Variants in EPS8L1 observed in about 807,000 individuals in gnomAD.
The protein encoded by EPS8L1 is EPS8 signaling adaptor L1, also known as epidermal growth factor receptor kinase substrate 8-like protein 1.
A neutral mutation model predicts 91.7 loss-of-function variants in EPS8L1; 101 were observed. That is an observed-to-expected ratio of 1.10 (90% CI 0.94 to 1.30). The LOEUF (loss-of-function observed/expected upper bound fraction) is 1.30. Among genes scored for constraint, EPS8L1 ranks in the 50% most tolerant of loss-of-function variants. The pLI, the probability that EPS8L1 is intolerant of heterozygous loss-of-function variation, is 0.00. For synonymous variants in EPS8L1, 506 were observed against 445.3 expected, an observed-to-expected ratio of 1.14 and a Z score of -1.72; for missense variants, 1,114 against 1,017.0, an observed-to-expected ratio of 1.10 and a Z score of -1.30.
chr19:55,087,233 G>T (rs1200232910), intron 18 of EPS8L1, 70 bp from the exon 19 acceptor site: 1 of 1,526,812 alleles, frequency 6.5e-7, no homozygotes, highest in African/African-American at 1.4e-5. Flanking sequence ...CGCCGGGTGG[G>T]CGTGACATGA....
At chr19:55,076,201 G>T (rs1300009642) in intron 1 of EPS8L1, among the ~76,000 whole-genome samples, 1 of 126,436 alleles carries the variant, frequency 7.9e-6, no homozygotes, top group Non-Finnish European at 1.8e-5. Context: ...TCTGAGGGAG[G>T]AGGGGACTGG....
rs950657335 is a variant in EPS8L1 at position 55,086,801 on chromosome 19, G to GGCCCCGC, written c.1872_1878dup (p.Glu627ArgfsTer25). 9.0e-5 allele frequency: 144 copies of GGCCCCGC among 1,598,678 alleles called. No individual in the cohort carries two copies. Among genetic ancestry groups the GGCCCCGC allele is most frequent in the Non-Finnish European group, 1.2e-4 (139 of 1,173,712 alleles). ...TCGGGACCGAGCCGCGCAGTCCCAG[G>GGCCCCGC]GCCCCGCGCCCCGGAACCGCAGCTC... On this transcript the variant is annotated frameshift_variant, in exon 18 of 20. Coordinates refer to ENST00000201647, the MANE Select transcript of EPS8L1 (RefSeq NM_133180.3). LOFTEE classifies it high-confidence loss of function.
Position 55,081,974 on chromosome 19 carries a change from C to T in EPS8L1, c.901+75C>T, listed in dbSNP as rs1369592550. 2.6e-6 allele frequency: 4 copies of T among 1,557,546 alleles called. No homozygotes were observed. In the South Asian group the frequency reaches 3.5e-5, roughly 14 times the overall value. ...AATGTCCCCGCTCTCCCCAGGCTCT[C>T]CCCTCCCGCCACTTGCCAGGGCTGA... is the stretch of plus-strand genomic sequence containing the variant. On this transcript the variant is annotated intron_variant, in intron 9 of 19. Coordinates refer to ENST00000201647, the MANE Select transcript of EPS8L1 (RefSeq NM_133180.3). The surrounding 1 kb of genome is among the most constrained non-coding windows in gnomAD (Gnocchi z 4.9).
rs745502554 is a variant in EPS8L1, at chr19:55,080,828, C to A, written c.486C>A (p.Arg162=). The part of the protein sequence containing the change: ...QGALHNYRSG[R]GERRAAALRA... ...CTCTGCACAATTACCGCTCGGGCCG[C>A]GGGGAGCGCAGGGCGGCGGCGCTCA... is the stretch of plus-strand genomic sequence containing the variant. Residue 162 remains arginine, a synonymous_variant, in exon 7 of 20, where the codon CGC becomes CGA. Transcript: ENST00000201647. 6.2e-7 allele frequency: 1 copy of A among 1,611,198 alleles called. No homozygotes were observed. The highest frequency in any genetic ancestry group is 8.5e-7 in the Non-Finnish European group (1 of 1,178,608).
At chr19:55,079,411 C>T (rs771657135) in intron 4 of EPS8L1, among the ~76,000 whole-genome samples, 80 of 152,080 alleles carry the variant, frequency 5.3e-4, no homozygotes, top group Non-Finnish European at 8.2e-4. Flanking sequence ...GCAGGAGACC[C>T]GAGGAGGCAT....
intron 2 of EPS8L1, among the ~76,000 whole-genome samples, 153 bp from the exon 3 acceptor site, chr19:55,077,935 T>TAATAA (rs1380776554): frequency 1.2e-5 from 1 of 81,036 alleles, no homozygotes; most frequent in East Asian, 4.7e-4. Context: ...TCCTGCTCAA[T>TAATAA]AATAATAATA....
At chr19:55,080,958 T>C in intron 7 of EPS8L1, 104 bp downstream of exon 7, 2 of 1,122,876 alleles carry the variant, frequency 1.8e-6, no homozygotes, top group Non-Finnish European at 2.5e-6. Flanking sequence ...TTGCATGGAG[T>C]CAAGCACACC....
In EPS8L1 at chr19:55,086,070, G is replaced by T. The variant is rs1350321655; in HGVS notation, c.1528G>T (p.Asp510Tyr). ...TCTTTACCACACCCAGGTCCTGGAT[G>T]ACAGTCGTAAGTGGTGGAAGGTTCG... is the stretch of plus-strand genomic sequence containing the variant. ...KQRDVLEVLD[D>Y]SRKWWKVRDP... The change falls in exon 16 of 20, where the codon GAC (aspartate) becomes TAC (tyrosine). Residue 510 changes from aspartate to tyrosine, a missense_variant. Physicochemically the swap from Asp to Tyr is radical, Grantham distance 160 (BLOSUM62 -3). Transcript: ENST00000201647. 6.3e-7 allele frequency: 1 copy of T among 1,594,990 alleles called. No homozygotes were observed. Among genetic ancestry groups the T allele is most frequent in the Admixed American group, 1.7e-5 (1 of 58,948 alleles).
intron 4 of EPS8L1, chr19:55,079,455 C>T: frequency 3.3e-6 from 2 of 600,748 alleles, no homozygotes; most frequent in Non-Finnish European, 5.8e-6. Context: ...AGACTCCTTC[C>T]CTGCCCGCAA....
Position 55,081,052 on chromosome 19 carries a change from C to A in EPS8L1, c.513-179C>A. On this transcript the variant is annotated intron_variant, in intron 7 of 19. Coordinates refer to ENST00000201647, the MANE Select transcript of EPS8L1 (RefSeq NM_133180.3). This position sits in a 1 kb window ranked among gnomAD's most constrained non-coding sequence, Gnocchi z 4.9. ...TCTTTTCTCTGTTCCCTGTCCAGGC[C>A]CTCAGTTTCACTCTAGAGAGGTGCT... is the stretch of plus-strand genomic sequence containing the variant. 1.1e-6 allele frequency: 1 copy of A among 943,616 alleles called. No homozygotes were observed. Among genetic ancestry groups the A allele is most frequent in the South Asian group, 1.8e-5 (1 of 56,938 alleles). The allele number at this position is 943,616 out of a possible 1,614,324, so 58.5% of individuals were successfully genotyped here.
At chr19:55,085,738 G>GTGCC in intron 14 of EPS8L1, 103 bp from the exon 15 acceptor site, 1 of 1,369,054 alleles carries the variant, frequency 7.3e-7, no homozygotes, top group Non-Finnish European at 9.9e-7. Context: ...GGCCCCTGCT[G>GTGCC]TGCCCCCAGC....
At chr19:55,084,072 A>C (rs1455118149) in intron 14 of EPS8L1, 3 of 330,410 alleles carry the variant, frequency 9.1e-6, no homozygotes, top group African/African-American at 2.2e-5. Context: ...TTGGGTTTTG[A>C]AGAAGAGCCC....
intron 18 of EPS8L1, chr19:55,087,101 T>C (rs2147166641): frequency 9.3e-7 from 1 of 1,070,512 alleles, no homozygotes; most frequent in Non-Finnish European, 1.3e-6. Context: ...GGAAATCCCG[T>C]ACCCTTTGAA....
intron 18 of EPS8L1, 131 bp from the exon 19 acceptor site, chr19:55,087,172 G>A: frequency 7.4e-7 from 1 of 1,355,112 alleles, no homozygotes; most frequent in Non-Finnish European, 9.8e-7. Context: ...GGGTTCAGGA[G>A]GTGTCGGGCC....
In EPS8L1 at chr19:55,082,186, G is replaced by A. The variant is rs373869747; in HGVS notation, c.990+6G>A. The A allele has an allele frequency of 1.5e-4, 231 of 1,591,286 alleles. No homozygotes were observed. In the East Asian group the frequency reaches 4.4e-3, roughly 30 times the overall value. On this transcript the variant is annotated splice_donor_region_variant and intron_variant, in intron 10 of 19. Transcript: ENST00000201647. ...AGTACGCCTTCAGCCTGCTGGTGAGGACGCGCCCGCCCCTGGGCCGGGGCG... is the reference window on the plus strand; with the variant it reads ...AGTACGCCTTCAGCCTGCTGGTGAGAACGCGCCCGCCCCTGGGCCGGGGCG...
chr19:55,079,175 C>T (rs1308410537), intron 4 of EPS8L1, 118 bp downstream of exon 4: 26 of 1,108,806 alleles, frequency 2.3e-5, no homozygotes, highest in Non-Finnish European at 3.6e-5. Flanking sequence ...AGTCAGTTTG[C>T]CCATCCATAA....
chr19:55,083,622 GC>G lies in EPS8L1; in HGVS notation c.1369del (p.Gln457ArgfsTer76), dbSNP rs1016576741. 1 of 1,596,016 alleles carries G rather than the reference GC, an allele frequency of 6.3e-7. No homozygotes were observed. Among genetic ancestry groups the G allele is most frequent in the Non-Finnish European group, 8.5e-7 (1 of 1,171,862 alleles). On this transcript the variant is annotated frameshift_variant, in exon 14 of 20. Coordinates refer to ENST00000201647, the MANE Select transcript of EPS8L1 (RefSeq NM_133180.3). LOFTEE classifies it high-confidence loss of function. The surrounding 1 kb of genome is among the most constrained non-coding windows in gnomAD (Gnocchi z 4.7). Reference sequence around the variant, plus strand: ...ACTGTCTTACTTCCTACAGCAAAGCGCCCCCCAGGTCGCTGTCAATGGGTGA... The same window carrying G: ...ACTGTCTTACTTCCTACAGCAAAGCGCCCCCAGGTCGCTGTCAATGGGTGA... ...QHERRRRQQS[A>X]PQVAVNGHRD... is the part of the protein sequence containing the mutation.
At chr19:55,082,712 T>A in intron 12 of EPS8L1, 110 bp downstream of exon 12, 6 of 1,009,224 alleles carry the variant, frequency 5.9e-6, no homozygotes, top group African/African-American at 1.6e-5. Flanking sequence ...TAGGGAGGGG[T>A]TAGAGGCGTG....
In EPS8L1 at chr19:55,087,637, G is replaced by T; in HGVS notation, c.*23G>T. ...TGACCTGCCAGGCGCCCTTCGCAAA[G>T]AGTGACGAGGCCCCGTGGGAGAACG... is the stretch of plus-strand genomic sequence containing the variant. On this transcript the variant is annotated 3_prime_UTR_variant, in exon 20 of 20. Coordinates refer to ENST00000201647, the MANE Select transcript of EPS8L1 (RefSeq NM_133180.3). 6.2e-7 allele frequency: 1 copy of T among 1,612,554 alleles called. No individual in the cohort carries two copies.
Sources: allele counts gnomAD v4.1 joint callset (sites outside exome capture counted in the v4.1 genomes callset), GRCh38; gene constraint gnomAD v4.1.1; non-coding constraint Gnocchi (gnomAD v3.1); transcripts MANE v1.5; gene names NCBI Gene and HGNC (gene_info 2026-07-23, HGNC 2026-07-21).